The following ADGRE1 variants were observed in gnomAD, a reference collection of about 807,000 sequenced individuals.
ADGRE1 encodes adhesion G protein-coupled receptor E1, also known as EGF-like module receptor 1.
ADGRE1 carries 82 observed loss-of-function variants against 102.7 expected under a neutral mutation model. The ratio of observed to expected loss-of-function variants is 0.80; its 90% CI spans 0.67 to 0.96. The LOEUF is 0.96. Among genes scored for constraint, ADGRE1 ranks in the 40% least tolerant of loss-of-function variants. The pLI is 0.00. For missense variants in ADGRE1, 1,032 were observed against 1,085.3 expected (o/e 0.95, Z 0.69); for synonymous variants, 398 against 399.6 (o/e 1.00, Z 0.05).
chr19:6,927,659 A>G (rs374310710), intron 16 of ADGRE1, among the ~76,000 whole-genome samples: 93 of 151,914 alleles, frequency 6.1e-4, no homozygotes, highest in African/African-American at 2.1e-3. Flanking sequence ...TTATTTATTT[A>G]TTTGTTATTT....
Position 6,934,982 on chromosome 19 carries a change from T to A in ADGRE1, c.2290-5T>A. 6.4e-7 allele frequency: 1 copy of A among 1,573,234 alleles called. No individual in the cohort carries two copies. The highest frequency in any genetic ancestry group is 8.6e-7 in the Non-Finnish European group (1 of 1,158,654). On this transcript the variant is annotated splice_region_variant and splice_polypyrimidine_tract_variant and intron_variant, in intron 17 of 20. Coordinates refer to ENST00000312053, the MANE Select transcript of ADGRE1 (RefSeq NM_001974.5). ...GTCTCTCCATCCTTCTGCTTGACTT[T>A]GCAGATCAACTCCCTTCTCCTGACC...
chr19:6,898,734 A>T, intron 5 of ADGRE1: 1 of 703,118 alleles, frequency 1.4e-6, no homozygotes, highest in Non-Finnish European at 2.4e-6. Context: ...ATTAAGGGTC[A>T]TCTCACTGGA....
Position 6,924,812 on chromosome 19 carries a change from C to T in ADGRE1, c.1926C>T (p.Cys642=), listed in dbSNP as rs1458505695. 17 of 1,614,042 alleles carry T rather than the reference C, an allele frequency of 1.1e-5. No individual in the cohort carries two copies. The highest frequency in any genetic ancestry group is 4.5e-5 in the East Asian group (2 of 44,878). ...NHNTYLHLHL[C]VCLLLAKTLF... ...ACACCTACCTCCACCTGCACCTCTG[C>T]GTGTGTCTCCTCTTGGCGAAGACTC... Residue 642 remains cysteine (C), a synonymous_variant, in exon 15 of 21, where the codon TGC becomes TGT. Coordinates refer to ENST00000312053, the MANE Select transcript of ADGRE1 (RefSeq NM_001974.5).
chr19:6,903,603 C>T (rs1236357815), intron 6 of ADGRE1, among the ~76,000 whole-genome samples: 2 of 152,032 alleles, frequency 1.3e-5, no homozygotes, highest in Admixed American at 1.3e-4. Context: ...CCACCTTGGC[C>T]CTGAAGTGAC....
Position 6,908,991 on chromosome 19 carries a change from G to A in ADGRE1, c.1122+219G>A, listed in dbSNP as rs539189458. Reference sequence around the variant, plus strand: ...TCTACTACAAATACAGAACTTAGCCGGGCATGGTGGCAGGTGCCCATAGTA... The same window carrying A: ...TCTACTACAAATACAGAACTTAGCCAGGCATGGTGGCAGGTGCCCATAGTA... On this transcript the variant is annotated intron_variant, in intron 10 of 20. Coordinates refer to ENST00000312053, the MANE Select transcript of ADGRE1 (RefSeq NM_001974.5). Among the ~76,000 whole-genome samples the A allele has an allele frequency of 6.6e-5, 10 of 151,862 alleles. No individual in the cohort carries two copies. The South Asian group carries it at 8.3e-4, about 13-fold the overall frequency.
At chr19:6,925,255 G>A (rs576371629) in intron 15 of ADGRE1, among the ~76,000 whole-genome samples, 1 of 152,272 alleles carries the variant, frequency 6.6e-6, no homozygotes, top group South Asian at 2.1e-4. Context: ...TGAGAAGCTG[G>A]GAATACAGGC....
chr19:6,928,166 A>G lies in ADGRE1; in HGVS notation c.2244A>G (p.Thr748=), dbSNP rs1974997464. The G allele has an allele frequency of 6.2e-7, 1 of 1,613,980 alleles. No homozygotes were observed. Among genetic ancestry groups the G allele is most frequent in the Non-Finnish European group, 8.5e-7 (1 of 1,179,990 alleles). Residue 748 remains threonine (T), a synonymous_variant, in exon 17 of 21, where the codon ACA becomes ACG. Transcript: ENST00000312053. ...ACAGCTGCTGGCTGAATACAGAGAC[A>G]GGGTTCATCTGGAGTTTCTTGGGGC... ...MHNRCWLNTE[T]GFIWSFLGPV...
At position 6,908,708 on chromosome 19, in the gene ADGRE1, TA is replaced by T; in HGVS notation, c.1061del (p.Asn354IlefsTer17). The T allele has an allele frequency of 6.3e-7, 1 of 1,582,108 alleles. No homozygotes were observed. The highest frequency in any genetic ancestry group is 8.6e-7 in the Non-Finnish European group (1 of 1,164,720). ...ACGCAGGTCTCCTTTTGTGCACAAA[TA>T]AATAACATCTTCAGCGTTCTGGACA... Reference protein sequence around the residue: ...KPAYVSFCAQINNIFSVLDKV... With the variant: ...KPAYVSFCAQXNNIFSVLDKV... On this transcript the variant is annotated frameshift_variant, in exon 10 of 21. Coordinates refer to ENST00000312053, the MANE Select transcript of ADGRE1 (RefSeq NM_001974.5). LOFTEE classifies it high-confidence loss of function.
At chr19:6,893,549 C>T (rs66534104) in intron 2 of ADGRE1, among the ~76,000 whole-genome samples, 48,910 of 152,070 alleles carry the variant, frequency 0.32, 8,043 homozygotes, top group Middle Eastern at 0.39. Context: ...AGTACATATA[C>T]GACATCTTCC....
At chr19:6,912,237 C>T (rs1340544412) in intron 10 of ADGRE1, among the ~76,000 whole-genome samples, 1 of 151,882 alleles carries the variant, frequency 6.6e-6, no homozygotes, top group Non-Finnish European at 1.5e-5. Flanking sequence ...TATATAAGCA[C>T]ACACACACAC....
At chr19:6,931,098 G>C (rs1419743919) in intron 17 of ADGRE1, among the ~76,000 whole-genome samples, 1 of 145,002 alleles carries the variant, frequency 6.9e-6, no homozygotes, top group Non-Finnish European at 1.5e-5. Context: ...ATCCTTCCCA[G>C]CTTCTGGTAA....
chr19:6,892,744 A>G (rs1599709858), intron 2 of ADGRE1, among the ~76,000 whole-genome samples: 1 of 152,364 alleles, frequency 6.6e-6, no homozygotes, highest in South Asian at 2.1e-4. Flanking sequence ...GTTGAACTCA[A>G]TGTGGTCTGC....
At position 6,887,642 on chromosome 19, in the gene ADGRE1, G is replaced by A; in HGVS notation, c.31+3G>A. 6.2e-7 allele frequency: 1 copy of A among 1,610,830 alleles called. No individual in the cohort carries two copies. Among genetic ancestry groups the A allele is most frequent in the Non-Finnish European group, 8.5e-7 (1 of 1,178,746 alleles). On this transcript the variant is annotated splice_donor_region_variant and intron_variant, in intron 1 of 20. Transcript: ENST00000312053. ...CTTCAACCTGCTCCTCTTCTGGGGTGAGTGTGAGGCTGAATGGGGGGCTAG... is the reference window on the plus strand; with the variant it reads ...CTTCAACCTGCTCCTCTTCTGGGGTAAGTGTGAGGCTGAATGGGGGGCTAG...
At chr19:6,893,679 T>A (rs754279778) in intron 2 of ADGRE1, among the ~76,000 whole-genome samples, 12 of 152,228 alleles carry the variant, frequency 7.9e-5, no homozygotes, top group South Asian at 4.1e-4. Flanking sequence ...TTTGGGTAAG[T>A]CACTCAACCT....
intron 14 of ADGRE1, among the ~76,000 whole-genome samples, chr19:6,923,032 A>G (rs1974735919): frequency 1.3e-5 from 2 of 152,186 alleles, no homozygotes; most frequent in Non-Finnish European, 2.9e-5. Context: ...AGCTGAGATC[A>G]TGCCACTGTA....
intron 10 of ADGRE1, 65 bp from the exon 11 acceptor site, chr19:6,913,588 G>T (rs1974276177): frequency 8.4e-6 from 12 of 1,436,744 alleles, no homozygotes; most frequent in Non-Finnish European, 1.1e-5. Context: ...AATCAGAAAA[G>T]GGACAGCTGT....
chr19:6,892,905 G>A (rs191122400), intron 2 of ADGRE1, among the ~76,000 whole-genome samples: 6 of 152,292 alleles, frequency 3.9e-5, no homozygotes, highest in Non-Finnish European at 7.3e-5. Context: ...GCCCTACTGT[G>A]CTACTGAGCA....
rs374180636 is a variant in ADGRE1 at position 6,921,703 on chromosome 19, T to A, written c.1621-10T>A. 2.0e-6 allele frequency: 3 copies of A among 1,488,220 alleles called. No homozygotes were observed. The highest frequency in any genetic ancestry group is 2.7e-6 in the Non-Finnish European group (3 of 1,124,264). The allele number at this position is 1,488,220 out of a possible 1,614,324, so 92.2% of individuals were successfully genotyped here. On this transcript the variant is annotated splice_polypyrimidine_tract_variant and intron_variant, in intron 13 of 20. Transcript: ENST00000312053. The stretch of plus-strand genomic sequence containing the variant: ...AGACCTTTGTTTTTTTGTTTTTTTG[T>A]TTTTTTTAGCCAAAGCAGAAGTTTG...
chr19:6,934,617 G>C (rs936613188), intron 17 of ADGRE1, among the ~76,000 whole-genome samples: 2 of 115,542 alleles, frequency 1.7e-5, no homozygotes, highest in Admixed American at 9.1e-5. Flanking sequence ...TTTTTTTTTT[G>C]AGATGGAGTC....
Sources: allele counts gnomAD v4.1 joint callset (sites outside exome capture counted in the v4.1 genomes callset), GRCh38; gene constraint gnomAD v4.1.1; transcripts MANE v1.5; gene names NCBI Gene and HGNC (gene_info 2026-07-23, HGNC 2026-07-21).